The following SNURF variants were observed in gnomAD, a reference collection of about 807,000 sequenced individuals.
SNURF encodes SNURF protein.
In SNURF, 6 loss-of-function variants were observed where a neutral mutation model predicts 11.6. The ratio of observed to expected loss-of-function variants is 0.52; its 90% confidence interval spans 0.28 to 1.02. The LOEUF (loss-of-function observed/expected upper bound fraction) is 1.02, where lower values mean the gene tolerates loss of function less well. SNURF is among the 50% of genes least tolerant of loss of function. The pLI, the probability that SNURF is intolerant of heterozygous loss-of-function variation, is 0.09. For synonymous variants in SNURF, 29 were observed against 31.6 expected, an observed-to-expected ratio of 0.92 and a Z score of 0.27; for missense variants, 84 against 88.4, an observed-to-expected ratio of 0.95 and a Z score of 0.20.
chr15:24,977,921 G>A, downstream of SNURF: 1 of 1,555,024 alleles, frequency 6.4e-7, no homozygotes, highest in Non-Finnish European at 8.7e-7. Context: ...CTCCAGGTAA[G>A]GGATTGGTGA....
chr15:24,974,537 TG>T, intron 3 of SNURF: 2 of 1,336,526 alleles, frequency 1.5e-6, no homozygotes, highest in South Asian at 2.3e-5. Flanking sequence ...GCAGTGATCT[TG>T]GGTTCTGAAT....
At chr15:24,969,974 A>G (rs220031), downstream of SNURF, among the ~76,000 whole-genome samples, 1,271 of 152,338 alleles carry the variant, frequency 8.3e-3, 15 homozygotes, top group African/African-American at 0.028. Context: ...GTATCTTGCT[A>G]TTTAAAAGAA....
intron 2 of SNURF, among the ~76,000 whole-genome samples, chr15:24,964,720 A>G (rs1431059820): frequency 6.6e-6 from 1 of 152,132 alleles, no homozygotes; most frequent in African/African-American, 2.4e-5. Flanking sequence ...TCTTAGGTTT[A>G]GGACTGTTAA....
intron 1 of SNURF, among the ~76,000 whole-genome samples, chr15:24,958,305 G>A (rs1469724094): frequency 6.6e-6 from 1 of 151,516 alleles, no homozygotes; most frequent in Non-Finnish European, 1.5e-5. Context: ...AATCATTTAA[G>A]CAGGTTGTGA....
intron 1 of SNURF, among the ~76,000 whole-genome samples, chr15:24,958,520 T>TTTTTA (rs1440476628): frequency 9.9e-5 from 12 of 120,714 alleles, no homozygotes; most frequent in African/African-American, 4.1e-4. Flanking sequence ...TTTTTTTTTT[T>TTTTTA]AAATAGACCA....
intron 1 of SNURF, among the ~76,000 whole-genome samples, chr15:24,959,554 C>T (rs772627546): frequency 6.6e-5 from 10 of 152,114 alleles, no homozygotes; most frequent in South Asian, 2.1e-4. Context: ...GAGCAACTGC[C>T]GAATGGGTTC....
intron 2 of SNURF, among the ~76,000 whole-genome samples, chr15:24,962,427 C>G (rs376487577): frequency 6.6e-6 from 1 of 152,130 alleles, no homozygotes; most frequent in African/African-American, 2.4e-5. Context: ...TTTTCCTATA[C>G]GTGGGTAAGT....
chr15:24,974,586 A>C, intron 3 of SNURF: 1 of 880,876 alleles, frequency 1.1e-6, no homozygotes, highest in Non-Finnish European at 1.9e-6. Context: ...ATGGATTCTC[A>C]TTGCATTGAG....
chr15:24,959,487 A>C (rs2074416095), intron 1 of SNURF, among the ~76,000 whole-genome samples: 2 of 152,154 alleles, frequency 1.3e-5, no homozygotes, highest in Non-Finnish European at 2.9e-5. Context: ...AAGTTGAAAT[A>C]ATAGAATATT....
chr15:24,968,194 A>G lies in SNURF; in HGVS notation c.*157A>G. On this transcript the variant is annotated 3_prime_UTR_variant, in exon 3 of 3. Transcript: ENST00000577949. ...AATTTTTTTCCTTAGAGCTTCATAC[A>G]ATAAACACATTGCAGAAAGTTTTAG... 5.9e-6 allele frequency: 4 copies of G among 682,014 alleles called. No individual in the cohort carries two copies. The East Asian group carries it at 1.1e-4, about 19-fold the overall frequency. The allele number at this position is 682,014 out of a possible 1,614,324, so 42.2% of individuals were successfully genotyped here.
chr15:24,962,271 A>T (rs1318070419), intron 2 of SNURF, 62 bp downstream of exon 2: 20 of 1,276,050 alleles, frequency 1.6e-5, no homozygotes, highest in Non-Finnish European at 1.9e-5. Context: ...TTAGAACAAA[A>T]TATCATGCAA....
chr15:24,961,702 T>C (rs752600135), intron 1 of SNURF, among the ~76,000 whole-genome samples: 2 of 152,220 alleles, frequency 1.3e-5, no homozygotes, highest in Non-Finnish European at 2.9e-5. Context: ...TATATAAGTA[T>C]GTCTACTGTA....
chr15:24,968,111 A>T, exon 3 of SNURF: 1 of 1,287,638 alleles, frequency 7.8e-7, no homozygotes, highest in South Asian at 1.2e-5. Flanking sequence ...ATGATCAAGA[A>T]TAAAGAATCA....
At chr15:24,956,703 G>T (rs961553113) in intron 1 of SNURF, among the ~76,000 whole-genome samples, 1 of 152,228 alleles carries the variant, frequency 6.6e-6, no homozygotes, top group African/African-American at 2.4e-5. Flanking sequence ...GCAGTAGAGG[G>T]GGGAGGAGGG....
intron 5 of SNURF, among the ~76,000 whole-genome samples, chr15:24,976,639 G>T (rs1350592227): frequency 6.6e-6 from 1 of 152,142 alleles, no homozygotes; most frequent in Non-Finnish European, 1.5e-5. Context: ...GGTAGGAGTT[G>T]GTGATTCATG....
At chr15:24,973,777 C>T (rs1411194169), downstream of SNURF, among the ~76,000 whole-genome samples, 1 of 152,056 alleles carries the variant, frequency 6.6e-6, no homozygotes, top group Non-Finnish European at 1.5e-5. Context: ...ATATATATTC[C>T]ATAGTCATGT....
chr15:24,974,338 C>T (rs2076818522), intron 3 of SNURF: 2 of 917,440 alleles, frequency 2.2e-6, no homozygotes, highest in South Asian at 2.6e-5. Context: ...AAGCTTCTGC[C>T]CAGCTTGCAT....
chr15:24,969,529 G>A (rs2076135337), downstream of SNURF, among the ~76,000 whole-genome samples: 1 of 152,108 alleles, frequency 6.6e-6, no homozygotes, highest in South Asian at 2.1e-4. Flanking sequence ...TAAGCAAATT[G>A]GAATCTAATC....
rs747719993 is a variant in SNURF, at chr15:24,968,044, A to G, written c.*7A>G. Reference sequence around the variant, plus strand: ...GACACCAAGAGGTGGTTAAAGCCATATTGGAGTAGCGAGGAATCTGATTCC... The same window carrying G: ...GACACCAAGAGGTGGTTAAAGCCATGTTGGAGTAGCGAGGAATCTGATTCC... On this transcript the variant is annotated 3_prime_UTR_variant, in exon 3 of 3. Coordinates refer to ENST00000577949, the Ensembl canonical transcript of SNURF. 4 of 1,613,108 alleles carry G rather than the reference A, an allele frequency of 2.5e-6. No individual in the cohort carries two copies. In the South Asian group the frequency reaches 3.3e-5, roughly 13 times the overall value.
Sources: allele counts gnomAD v4.1 joint callset (sites outside exome capture counted in the v4.1 genomes callset), GRCh38; gene constraint gnomAD v4.1.1; transcripts MANE v1.5; gene names NCBI Gene and HGNC (gene_info 2026-07-23, HGNC 2026-07-21).